ANKRD30B: variants seen among roughly 807,000 people sequenced by gnomAD.
ANKRD30B encodes the protein ankyrin repeat domain 30B.
In ANKRD30B, 144 loss-of-function variants were observed where a neutral mutation model predicts 202.2. That is an observed-to-expected ratio of 0.71 (90% confidence interval 0.62 to 0.82). The LOEUF is 0.82. ANKRD30B is among the 40% of genes least tolerant of loss of function. The probability of loss-of-function intolerance (pLI) is 0.00; values close to 1 mark genes in which losing one functional copy is unlikely to be tolerated. For synonymous variants in ANKRD30B, 508 were observed against 561.3 expected (o/e 0.91, Z 1.34); for missense variants, 1,487 against 1,669.1 (o/e 0.89, Z 1.90).
chr18:14,791,336 A>T, intron 15 of ANKRD30B, 65 bp from the exon 16 acceptor site: 1 of 1,373,842 alleles, frequency 7.3e-7, no homozygotes, highest in Non-Finnish European at 1.0e-6. Context: ...TAGTTAGAAA[A>T]TTTTGATACT....
intron 11 of ANKRD30B, among the ~76,000 whole-genome samples, chr18:14,781,867 G>A (rs1191056437): frequency 6.6e-6 from 1 of 152,138 alleles, no homozygotes; most frequent in East Asian, 1.9e-4. Flanking sequence ...CACCATTAGA[G>A]GTTAATTGAC....
intron 28 of ANKRD30B, among the ~76,000 whole-genome samples, chr18:14,811,430 C>T (rs1482171764): frequency 6.6e-6 from 1 of 151,118 alleles, no homozygotes; most frequent in Non-Finnish European, 1.5e-5. Context: ...CCAGGATGGT[C>T]TTGACCTGCT....
chr18:14,766,159 C>T (rs1916100630), intron 7 of ANKRD30B, among the ~76,000 whole-genome samples: 1 of 151,852 alleles, frequency 6.6e-6, no homozygotes, highest in African/African-American at 2.4e-5. Flanking sequence ...TGAGCATTTA[C>T]AATGCTCATG....
chr18:14,788,755 T>C (rs1174600750), intron 15 of ANKRD30B, among the ~76,000 whole-genome samples: 2 of 152,008 alleles, frequency 1.3e-5, no homozygotes, highest in East Asian at 3.9e-4. Flanking sequence ...TAGTAATCCA[T>C]GGTGTATATG....
intron 9 of ANKRD30B, 129 bp downstream of exon 9, chr18:14,772,357 T>G (rs997043037): frequency 2.0e-6 from 1 of 489,888 alleles, no homozygotes; most frequent in Admixed American, 4.3e-5. Flanking sequence ...AAACATTTTA[T>G]AGAAATAGGA....
chr18:14,931,701 A>G, the ANKRD30B span, among the ~76,000 whole-genome samples: 1 of 152,262 alleles, frequency 6.6e-6, no homozygotes, highest in East Asian at 1.9e-4. Flanking sequence ...CACAGCGCAC[A>G]CAGCATCCAT....
At chr18:14,830,953 C>T (rs1207458611) in intron 33 of ANKRD30B, among the ~76,000 whole-genome samples, 3 of 151,532 alleles carry the variant, frequency 2.0e-5, no homozygotes, top group Admixed American at 6.6e-5. Context: ...GAGGCCGAGG[C>T]GGGCAGATCA....
chr18:14,756,062 C>T (rs1422127920), intron 4 of ANKRD30B, among the ~76,000 whole-genome samples: 4 of 152,156 alleles, frequency 2.6e-5, no homozygotes, highest in South Asian at 2.1e-4. Flanking sequence ...CTCTCCAGCA[C>T]CTGTTGTTTC....
At chr18:14,837,421 A>T (rs1310257585) in intron 35 of ANKRD30B, 132 bp downstream of exon 35, 9 of 882,442 alleles carry the variant, frequency 1.0e-5, no homozygotes, top group African/African-American at 7.0e-5. Context: ...ATGTCTACTT[A>T]AAAAAGTACA....
chr18:14,911,915 T>C, the ANKRD30B span, among the ~76,000 whole-genome samples: 1 of 152,218 alleles, frequency 6.6e-6, no homozygotes, highest in South Asian at 2.1e-4. Flanking sequence ...AATTCGGTCC[T>C]CTGCTAGACT....
chr18:14,748,319 G>T lies in ANKRD30B; in HGVS notation c.-101G>T, dbSNP rs1361719407. On this transcript the variant is annotated 5_prime_UTR_variant, in exon 1 of 44. Coordinates refer to ENST00000690538, the MANE Select transcript of ANKRD30B (RefSeq NM_001367607.2). ...GAAGACGGGCGAGTGCGAGCCGGGG[G>T]CGGGTGCTGGGGAAGGGTAAGCGGG... The T allele has an allele frequency of 1.3e-5, 13 of 985,926 alleles. No homozygotes were observed. In the African/African-American group the frequency reaches 2.1e-4, roughly 16 times the overall value. The allele number at this position is 985,926 out of a possible 1,614,324, so 61.1% of individuals were successfully genotyped here.
At chr18:14,905,374 G>C in the ANKRD30B span, 2 of 152,188 alleles carry the variant, frequency 1.3e-5, no homozygotes, top group African/African-American at 4.8e-5. Context: ...GGTATACATT[G>C]GTTGGCCCAA....
intron 30 of ANKRD30B, among the ~76,000 whole-genome samples, chr18:14,818,582 T>G (rs9748272): frequency 6.8e-6 from 1 of 147,426 alleles, no homozygotes; most frequent in African/African-American, 2.5e-5. Context: ...TCATTGTTCA[T>G]TTCCCACCTA....
In ANKRD30B at chr18:14,808,338, C is replaced by A. The variant is rs779165507; in HGVS notation, c.2285-213C>A. 42 of 580,744 alleles carry A rather than the reference C, an allele frequency of 7.2e-5. No homozygotes were observed. The Middle Eastern group carries it at 1.4e-3, about 20-fold the overall frequency. The allele number at this position is 580,744 out of a possible 1,614,324, so 36.0% of individuals were successfully genotyped here. ...TTTGACTGTTGAAATCTTCATAGCA[C>A]GTTTGATGAAATTTATTTTTTAAAT... is the stretch of plus-strand genomic sequence containing the variant. On this transcript the variant is annotated intron_variant, in intron 24 of 43. Coordinates refer to ENST00000690538, the MANE Select transcript of ANKRD30B (RefSeq NM_001367607.2).
At chr18:14,760,714 T>C in intron 6 of ANKRD30B, 96 bp downstream of exon 6, 1 of 806,534 alleles carries the variant, frequency 1.2e-6, no homozygotes, top group Non-Finnish European at 2.0e-6. Flanking sequence ...AATGTGCAAA[T>C]AGCATGTGTT....
intron 8 of ANKRD30B, among the ~76,000 whole-genome samples, chr18:14,771,888 A>G (rs558404080): frequency 2.4e-4 from 36 of 152,290 alleles, no homozygotes; most frequent in Admixed American, 1.8e-3. Context: ...GGCAGTCACT[A>G]TTTCTTATGG....
At chr18:14,854,680 T>C (rs868209206), downstream of ANKRD30B, among the ~76,000 whole-genome samples, 13 of 152,262 alleles carry the variant, frequency 8.5e-5, no homozygotes, top group South Asian at 1.5e-3. Flanking sequence ...AATTTCCTTG[T>C]TTTGTGGAAA....
the ANKRD30B span, among the ~76,000 whole-genome samples, chr18:14,862,078 T>C: frequency 3.8e-4 from 58 of 152,152 alleles, no homozygotes; most frequent in African/African-American, 1.3e-3. Flanking sequence ...AAGAAATTCC[T>C]GAAACAAATG....
Position 14,757,861 on chromosome 18 carries a change from G to A in ANKRD30B, c.664G>A (p.Gly222Ser), listed in dbSNP as rs551003688. The change falls in exon 5 of 44, where the codon GGC (glycine) becomes AGC (serine). Residue 222 changes from glycine to serine, a missense_variant. Gly to Ser is a moderately conservative substitution (Grantham distance 56, BLOSUM62 0). This residue lies in a region of ANKRD30B where 889 missense variants were observed against 841.4 expected (regional missense o/e 1.06). Transcript: ENST00000690538. ...AICEGSSEIV[G>S]MLLQQNVDVF... The stretch of plus-strand genomic sequence containing the variant: ...ATGTGAAGGCTCATCAGAGATAGTC[G>A]GCATGCTTCTTCAGCAAAATGTTGA... The A allele has an allele frequency of 5.0e-5, 80 of 1,613,738 alleles. No homozygotes were observed. The South Asian group carries it at 6.8e-4, about 14-fold the overall frequency.
Sources: gnomAD v4.1 joint callset for allele counts (sites outside exome capture counted in the v4.1 genomes callset) on GRCh38, gnomAD v4.1.1 for gene constraint, gnomAD v4.1.1 regional missense constraint, MANE v1.5 for transcripts, NCBI Gene and HGNC (gene_info 2026-07-23, HGNC 2026-07-21) for gene names.